GLIS3: variants seen among roughly 807,000 people sequenced by gnomAD.
The protein encoded by GLIS3 is zinc finger protein GLIS3.
GLIS3 carries 53 observed loss-of-function variants against 78.6 expected under a neutral mutation model. That is an observed-to-expected ratio of 0.67 (90% CI 0.54 to 0.85). GLIS3 has a LOEUF of 0.85. Ranked by LOEUF, GLIS3 falls within the 40% of genes least tolerant of loss-of-function variation. The pLI, the probability that GLIS3 is intolerant of heterozygous loss-of-function variation, is 0.00. For missense variants in GLIS3, 1,703 were observed against 1,231.1 expected, an observed-to-expected ratio of 1.38 and a Z score of -5.74; for synonymous variants, 684 against 509.9, an observed-to-expected ratio of 1.34 and a Z score of -4.60.
At chr9:4,285,742 C>G (rs190805580) in intron 2 of GLIS3, 2 of 418,646 alleles carry the variant, frequency 4.8e-6, no homozygotes, top group African/African-American at 2.0e-5. Context: ...TAACCTAGCT[C>G]TTACCCTTCC....
At chr9:4,262,516 G>A (rs12380197) in intron 2 of GLIS3, among the ~76,000 whole-genome samples, 32,444 of 151,986 alleles carry the variant, frequency 0.21, 3,634 homozygotes, top group Admixed American at 0.25. Flanking sequence ...CTTCTAGGCA[G>A]AGAGGAATAC....
chr9:3,972,435 CT>C lies in GLIS3; in HGVS notation c.1711-35247del, dbSNP rs1231724524. 2.0e-5 allele frequency among the ~76,000 whole-genome samples: 3 copies of C among 152,276 alleles called. No homozygotes were observed. The East Asian group carries it at 5.8e-4, about 29-fold the overall frequency. On this transcript the variant is annotated intron_variant, in intron 4 of 10. Coordinates refer to ENST00000381971, the MANE Select transcript of GLIS3 (RefSeq NM_001042413.2). Reference sequence around the variant, plus strand: ...GAGGGCATGTTAGCCTGCAAAGGCCCTGTGTTACAGATAATGGGGTCCTCAT... The same window carrying C: ...GAGGGCATGTTAGCCTGCAAAGGCCCGTGTTACAGATAATGGGGTCCTCAT...
chr9:4,408,414 A>G, the GLIS3 span, among the ~76,000 whole-genome samples: 138 of 142,328 alleles, frequency 9.7e-4, 1 homozygote, highest in Admixed American at 1.3e-3. Context: ...GAAGGTGGGG[A>G]TGGTTAATGG....
At chr9:4,190,741 A>G (rs916554204) in intron 2 of GLIS3, among the ~76,000 whole-genome samples, 2 of 152,202 alleles carry the variant, frequency 1.3e-5, no homozygotes, top group African/African-American at 4.8e-5. Context: ...CAGATTTACC[A>G]AAGTTGAAAT....
chr9:3,931,600 C>G (rs1208609342), intron 6 of GLIS3, among the ~76,000 whole-genome samples: 1 of 152,160 alleles, frequency 6.6e-6, no homozygotes, highest in Non-Finnish European at 1.5e-5. Flanking sequence ...AACTTAGTTA[C>G]TAGGAAATGC....
chr9:3,969,732 T>C (rs1818237086), intron 4 of GLIS3, among the ~76,000 whole-genome samples: 3 of 152,178 alleles, frequency 2.0e-5, no homozygotes, highest in African/African-American at 7.2e-5. Context: ...CTTGGGTCCC[T>C]TGTTTCTGAG....
At chr9:4,475,043 G>C in the GLIS3 span, among the ~76,000 whole-genome samples, 4 of 136,882 alleles carry the variant, frequency 2.9e-5, no homozygotes, top group South Asian at 2.3e-4. Flanking sequence ...GACCAGGCTA[G>C]AGTGCAGTGG....
intron 4 of GLIS3, among the ~76,000 whole-genome samples, chr9:4,091,661 C>A (rs1467268964): frequency 6.6e-6 from 1 of 152,044 alleles, no homozygotes; most frequent in Admixed American, 6.5e-5. Context: ...TGGCGAGCAT[C>A]CCCCTTCGCT....
chr9:4,474,080 G>C, the GLIS3 span, among the ~76,000 whole-genome samples: 479 of 152,256 alleles, frequency 3.1e-3, 2 homozygotes, highest in Middle Eastern at 0.02. Flanking sequence ...GTGTTTTTCT[G>C]TGTACATCTG....
At chr9:3,856,765 C>A (rs957512923) in intron 8 of GLIS3, among the ~76,000 whole-genome samples, 1 of 152,164 alleles carries the variant, frequency 6.6e-6, no homozygotes, top group African/African-American at 2.4e-5. Flanking sequence ...CCACAACCCA[C>A]GAAATCTGCG....
the GLIS3 span, among the ~76,000 whole-genome samples, chr9:4,451,076 C>A: frequency 6.6e-6 from 1 of 152,148 alleles, no homozygotes; most frequent in African/African-American, 2.4e-5. Flanking sequence ...GTGTCAAGAT[C>A]CATCAGTGTG....
At chr9:4,481,094 G>A in the GLIS3 span, among the ~76,000 whole-genome samples, 1 of 152,122 alleles carries the variant, frequency 6.6e-6, no homozygotes, top group Non-Finnish European at 1.5e-5. Flanking sequence ...GGGCTCAACT[G>A]ATCCTCCCAA....
the GLIS3 span, among the ~76,000 whole-genome samples, chr9:4,446,338 T>C: frequency 8.5e-5 from 13 of 152,102 alleles, no homozygotes; most frequent in Non-Finnish European, 1.8e-4. Context: ...ATCGATGAAG[T>C]AGGAAGCTAT....
intron 2 of GLIS3, among the ~76,000 whole-genome samples, chr9:4,199,965 G>A (rs1439174165): frequency 3.3e-5 from 5 of 152,046 alleles, no homozygotes; most frequent in African/African-American, 4.8e-5. Context: ...CGTACTCTTG[G>A]ACCACAGTGG....
intron 2 of GLIS3, among the ~76,000 whole-genome samples, chr9:4,216,255 G>A (rs1157460508): frequency 6.6e-6 from 1 of 152,032 alleles, no homozygotes; most frequent in Non-Finnish European, 1.5e-5. Context: ...GGCAGATCAT[G>A]AGGTCAGGAA....
chr9:4,227,502 G>T (rs1821874722), intron 2 of GLIS3, among the ~76,000 whole-genome samples: 1 of 152,086 alleles, frequency 6.6e-6, no homozygotes, highest in Non-Finnish European at 1.5e-5. Flanking sequence ...TATTCTCTGG[G>T]CCAAAGAATA....
chr9:4,262,784 A>G (rs1238515188), intron 2 of GLIS3, among the ~76,000 whole-genome samples: 1 of 152,028 alleles, frequency 6.6e-6, no homozygotes, highest in African/African-American at 2.4e-5. Flanking sequence ...CACACTGGCT[A>G]TTTATCACAG....
At chr9:4,027,043 T>C (rs189036152) in intron 4 of GLIS3, among the ~76,000 whole-genome samples, 1 of 152,282 alleles carries the variant, frequency 6.6e-6, no homozygotes, top group East Asian at 1.9e-4. Flanking sequence ...ATGGGGATCC[T>C]TTACATGTCA....
the GLIS3 span, among the ~76,000 whole-genome samples, chr9:4,400,861 G>A: frequency 6.6e-6 from 1 of 152,178 alleles, no homozygotes; most frequent in Non-Finnish European, 1.5e-5. Flanking sequence ...AGTCTTGACA[G>A]GATTCATCAC....
Sources: allele counts gnomAD v4.1 joint callset (sites outside exome capture counted in the v4.1 genomes callset), GRCh38; gene constraint gnomAD v4.1.1; transcripts MANE v1.5; gene names NCBI Gene and HGNC (gene_info 2026-07-23, HGNC 2026-07-21).